Variants in ADARB2 observed in about 807,000 individuals in gnomAD.
The protein encoded by ADARB2 is inactive double-stranded RNA-specific editase B2.
A neutral mutation model predicts 62.2 loss-of-function variants in ADARB2; 25 were observed. That is an observed-to-expected ratio of 0.40 (90% CI 0.29 to 0.56). The LOEUF (loss-of-function observed/expected upper bound fraction) is 0.56, where lower values mean the gene tolerates loss of function less well. Ranked by LOEUF, ADARB2 falls within the 20% of genes least tolerant of loss-of-function variation. The pLI, the probability that ADARB2 is intolerant of heterozygous loss-of-function variation, is 0.43. For synonymous variants in ADARB2, 572 were observed against 500.8 expected (o/e 1.14, Z -1.90); for missense variants, 1,071 against 1,077.4 (o/e 0.99, Z 0.08).
chr10:1,624,871 T>A (rs1454081719), intron 1 of ADARB2, among the ~76,000 whole-genome samples: 1 of 152,122 alleles, frequency 6.6e-6, no homozygotes, highest in African/African-American at 2.4e-5. Flanking sequence ...TCTTCTTGAC[T>A]TGGAATTAAA....
chr10:1,424,091 A>G (rs1459690453), intron 1 of ADARB2, among the ~76,000 whole-genome samples: 1 of 152,220 alleles, frequency 6.6e-6, no homozygotes, highest in Non-Finnish European at 1.5e-5. Flanking sequence ...CAGTAGGTCC[A>G]CTGTGTATGC....
chr10:1,272,030 C>T (rs938995722), intron 3 of ADARB2, among the ~76,000 whole-genome samples: 4 of 152,252 alleles, frequency 2.6e-5, no homozygotes, highest in Non-Finnish European at 5.9e-5. Flanking sequence ...GTCTTAAGTG[C>T]TCAGCACAGT....
At chr10:1,265,936 G>A in intron 4 of ADARB2, among the ~76,000 whole-genome samples, 1 of 125,226 alleles carries the variant, frequency 8.0e-6, no homozygotes, top group East Asian at 2.6e-4. Context: ...CGCTCCCCCG[G>A]AAGACGGCCT....
At chr10:1,510,049 TTCTC>T (rs918855545) in intron 1 of ADARB2, among the ~76,000 whole-genome samples, 7 of 151,446 alleles carry the variant, frequency 4.6e-5, no homozygotes, top group East Asian at 1.9e-4. Context: ...TTTCTCTCTC[TTCTC>T]TCTCTCTCAC....
chr10:1,663,332 G>A (rs553042605), intron 1 of ADARB2, among the ~76,000 whole-genome samples: 33 of 152,270 alleles, frequency 2.2e-4, no homozygotes, highest in Non-Finnish European at 4.0e-4. Flanking sequence ...TACTCTGCGT[G>A]GTGCGGCTCT....
At chr10:1,482,150 T>C (rs1484706945) in intron 1 of ADARB2, among the ~76,000 whole-genome samples, 1 of 152,224 alleles carries the variant, frequency 6.6e-6, no homozygotes. Flanking sequence ...AGTGTGAATA[T>C]AACGTGGTGC....
chr10:1,343,075 A>T (rs1257727471), intron 3 of ADARB2, among the ~76,000 whole-genome samples: 4 of 152,212 alleles, frequency 2.6e-5, no homozygotes, highest in Non-Finnish European at 1.5e-5. Flanking sequence ...AGACAGATCT[A>T]GGGTGAAGAG....
chr10:1,611,494 C>A (rs937145972), intron 1 of ADARB2, among the ~76,000 whole-genome samples: 2 of 152,174 alleles, frequency 1.3e-5, no homozygotes, highest in East Asian at 3.9e-4. Flanking sequence ...CTCGCTGGAG[C>A]TCCCCATTCC....
chr10:1,240,716 C>G (rs776689165), intron 5 of ADARB2, among the ~76,000 whole-genome samples: 6 of 152,170 alleles, frequency 3.9e-5, no homozygotes, highest in Non-Finnish European at 7.3e-5. Context: ...GTCTGTGGAC[C>G]CCCCCAGCTG....
chr10:1,252,246 A>G (rs1285330470), intron 4 of ADARB2, among the ~76,000 whole-genome samples: 1 of 152,244 alleles, frequency 6.6e-6, no homozygotes, highest in Non-Finnish European at 1.5e-5. Context: ...AATAGCATCA[A>G]AGAAATACAT....
At chr10:1,641,738 C>T (rs915978173) in intron 1 of ADARB2, among the ~76,000 whole-genome samples, 5 of 152,178 alleles carry the variant, frequency 3.3e-5, no homozygotes, top group Non-Finnish European at 5.9e-5. Context: ...CCTGGCTGGG[C>T]GTGGCGGCTC....
At chr10:1,223,202 A>G (rs1830710641) in intron 6 of ADARB2, among the ~76,000 whole-genome samples, 1 of 152,026 alleles carries the variant, frequency 6.6e-6, no homozygotes, top group African/African-American at 2.4e-5. Flanking sequence ...TTCACTCATG[A>G]TTTGGCTCTC....
intron 1 of ADARB2, among the ~76,000 whole-genome samples, chr10:1,637,000 C>T (rs1833924691): frequency 6.6e-6 from 1 of 151,506 alleles, no homozygotes; most frequent in Non-Finnish European, 1.5e-5. Context: ...CTTACAATAA[C>T]AGTCTTTCTT....
chr10:1,680,590 G>A (rs1834524063), intron 1 of ADARB2, among the ~76,000 whole-genome samples: 1 of 152,194 alleles, frequency 6.6e-6, no homozygotes, highest in Admixed American at 6.5e-5. Flanking sequence ...CTCCACCAAA[G>A]AGTCCCAAGA....
At chr10:1,332,561 T>G (rs527276770) in intron 3 of ADARB2, among the ~76,000 whole-genome samples, 1 of 151,708 alleles carries the variant, frequency 6.6e-6, no homozygotes, top group South Asian at 2.1e-4. Flanking sequence ...TGGCATATTT[T>G]TGATATTTTG....
chr10:1,338,004 G>A (rs898750015), intron 3 of ADARB2, among the ~76,000 whole-genome samples: 18 of 152,188 alleles, frequency 1.2e-4, no homozygotes, highest in African/African-American at 4.1e-4. Context: ...ATTTAATACT[G>A]TCATGGTGCT....
At chr10:1,734,935 G>C (rs765893552) in intron 1 of ADARB2, among the ~76,000 whole-genome samples, 18 of 152,006 alleles carry the variant, frequency 1.2e-4, no homozygotes, top group Non-Finnish European at 2.1e-4. Flanking sequence ...AGGTATCATA[G>C]ATGAAGTAAT....
intron 1 of ADARB2, among the ~76,000 whole-genome samples, chr10:1,684,731 G>A (rs370149368): frequency 1.3e-5 from 2 of 152,190 alleles, no homozygotes; most frequent in African/African-American, 4.8e-5. Context: ...GTCAGGTTCT[G>A]GCAAACGGGA....
At chr10:1,306,271 A>C (rs945070094) in intron 3 of ADARB2, among the ~76,000 whole-genome samples, 5 of 151,170 alleles carry the variant, frequency 3.3e-5, no homozygotes, top group Non-Finnish European at 7.4e-5. Flanking sequence ...AACAACAGAC[A>C]AACAGAGAGC....
Sources: allele counts gnomAD v4.1 joint callset (sites outside exome capture counted in the v4.1 genomes callset), GRCh38; gene constraint gnomAD v4.1.1; transcripts MANE v1.5; gene names NCBI Gene and HGNC (gene_info 2026-07-23, HGNC 2026-07-21).